Variants in PRKN observed in about 807,000 individuals in gnomAD.
PRKN encodes parkin RBR E3 ubiquitin protein ligase.
Under a neutral mutation model 59.5 loss-of-function variants are expected in PRKN, and 56 were observed. The observed-to-expected ratio is 0.94, with a 90% CI of 0.76 to 1.18. PRKN has a LOEUF of 1.18. Among genes scored for constraint, PRKN ranks in the 50% most tolerant of loss-of-function variants. The pLI is 0.00. For synonymous variants in PRKN, 250 were observed against 222.1 expected, an observed-to-expected ratio of 1.13 and a Z score of -1.12; for missense variants, 657 against 596.4, an observed-to-expected ratio of 1.10 and a Z score of -1.06.
At chr6:161,597,347 A>C (rs959944782) in intron 7 of PRKN, among the ~76,000 whole-genome samples, 2 of 152,130 alleles carry the variant, frequency 1.3e-5, no homozygotes, top group African/African-American at 4.8e-5. Context: ...CTCCATGAAT[A>C]TTTTCATATT....
intron 3 of PRKN, among the ~76,000 whole-genome samples, chr6:162,253,989 T>C (rs1779542449): frequency 6.6e-6 from 1 of 152,188 alleles, no homozygotes; most frequent in Non-Finnish European, 1.5e-5. Context: ...CAAATCATAC[T>C]TTCCTAAGCT....
At chr6:161,829,254 A>G (rs1792376405) in intron 6 of PRKN, among the ~76,000 whole-genome samples, 1 of 152,290 alleles carries the variant, frequency 6.6e-6, no homozygotes, top group African/African-American at 2.4e-5. Flanking sequence ...ACAAAAACAA[A>G]AAAAACAATA....
At chr6:162,489,569 G>T (rs1156442755) in intron 1 of PRKN, among the ~76,000 whole-genome samples, 1 of 152,094 alleles carries the variant, frequency 6.6e-6, no homozygotes, top group Non-Finnish European at 1.5e-5. Flanking sequence ...ACGCAAAACC[G>T]CACTTTGCCC....
intron 3 of PRKN, among the ~76,000 whole-genome samples, chr6:162,233,739 G>T (rs985840551): frequency 6.6e-6 from 1 of 152,148 alleles, no homozygotes; most frequent in Non-Finnish European, 1.5e-5. Context: ...TTTTAAGTGG[G>T]GCATTTGGGA....
Position 161,593,561 on chromosome 6 carries a change from T to G in PRKN, c.872-24145A>C, listed in dbSNP as rs1583271594. On this transcript the variant is annotated intron_variant, in intron 7 of 11. Coordinates refer to ENST00000366898, the MANE Select transcript of PRKN (RefSeq NM_004562.3). This position sits in a 1 kb window ranked among gnomAD's most constrained non-coding sequence, Gnocchi z 4.8. Reference sequence around the variant, plus strand: ...GTGATGGCACCTGGGGGCTGGAAGGTGAGGCCAGCAGGTCTTGCTGGTGGG... The same window carrying G: ...GTGATGGCACCTGGGGGCTGGAAGGGGAGGCCAGCAGGTCTTGCTGGTGGG... 6.6e-6 allele frequency among the ~76,000 whole-genome samples: 1 copy of G among 151,828 alleles called. No homozygotes were observed. The highest frequency in any genetic ancestry group is 2.1e-4 in the South Asian group (1 of 4,796).
At chr6:162,261,202 G>A (rs1779873188) in intron 3 of PRKN, among the ~76,000 whole-genome samples, 1 of 152,156 alleles carries the variant, frequency 6.6e-6, no homozygotes, top group Admixed American at 6.5e-5. Context: ...CTAGTAAGGA[G>A]AGGGAGACAC....
chr6:162,148,563 A>G (rs535737959), intron 4 of PRKN, among the ~76,000 whole-genome samples: 1 of 151,294 alleles, frequency 6.6e-6, no homozygotes, highest in South Asian at 2.1e-4. Context: ...ACAAAAAAAT[A>G]GTAAAGTCCA....
chr6:162,119,753 G>A (rs914945312), intron 4 of PRKN, among the ~76,000 whole-genome samples: 3 of 152,130 alleles, frequency 2.0e-5, no homozygotes, highest in Non-Finnish European at 2.9e-5. Context: ...GCTTTCTCTG[G>A]GAGGGGAGAA....
intron 1 of PRKN, among the ~76,000 whole-genome samples, chr6:162,658,981 C>A (rs976339289): frequency 3.9e-5 from 6 of 152,198 alleles, no homozygotes; most frequent in Non-Finnish European, 5.9e-5. Context: ...TCAATATATA[C>A]CTTTGGAAAG....
intron 9 of PRKN, among the ~76,000 whole-genome samples, chr6:161,472,657 A>T (rs1790853303): frequency 6.6e-6 from 1 of 152,186 alleles, no homozygotes. Context: ...ACTGGACTAC[A>T]CCAAACTAAA....
chr6:162,230,329 G>A (rs1041577943), intron 3 of PRKN, among the ~76,000 whole-genome samples: 1 of 152,222 alleles, frequency 6.6e-6, no homozygotes, highest in Non-Finnish European at 1.5e-5. Context: ...GATGTAGCTG[G>A]CTGCATTTGC....
intron 2 of PRKN, among the ~76,000 whole-genome samples, chr6:162,321,881 A>C (rs186408838): frequency 1.2e-3 from 178 of 152,128 alleles, no homozygotes; most frequent in African/African-American, 4.2e-3. Flanking sequence ...ATCTATGAAA[A>C]TCTACAGTTA....
intron 6 of PRKN, 54 bp downstream of exon 6, chr6:161,973,248 T>C: frequency 5.2e-6 from 6 of 1,164,226 alleles, no homozygotes; most frequent in Non-Finnish European, 7.8e-6. Context: ...ATGCTATTTT[T>C]AGATCCTTAC....
At chr6:161,701,914 C>T (rs183732071) in intron 7 of PRKN, among the ~76,000 whole-genome samples, 26 of 152,226 alleles carry the variant, frequency 1.7e-4, no homozygotes, top group Admixed American at 1.3e-3. Context: ...TTCATGTGGT[C>T]GCCAGTGGGA....
chr6:162,261,066 G>C (rs1006526107), intron 3 of PRKN, among the ~76,000 whole-genome samples: 1 of 152,084 alleles, frequency 6.6e-6, no homozygotes, highest in South Asian at 2.1e-4. Flanking sequence ...ATTCAGGCTT[G>C]AATACCATCT....
intron 6 of PRKN, among the ~76,000 whole-genome samples, chr6:161,867,929 T>C (rs2128226040): frequency 6.6e-6 from 1 of 151,710 alleles, no homozygotes; most frequent in South Asian, 2.1e-4. Flanking sequence ...CCTGGCTAAT[T>C]TTTGTATTTT....
chr6:161,573,091 T>C (rs765023733), intron 7 of PRKN, among the ~76,000 whole-genome samples: 4 of 152,064 alleles, frequency 2.6e-5, no homozygotes, highest in African/African-American at 4.8e-5. Context: ...TGACGTCCCA[T>C]GGTCTGGGGC....
chr6:161,680,445 C>G (rs1447882586), intron 7 of PRKN, among the ~76,000 whole-genome samples: 3 of 152,114 alleles, frequency 2.0e-5, no homozygotes, highest in South Asian at 4.2e-4. Flanking sequence ...AGGCCGTCCT[C>G]GAGCGTCCAT....
intron 1 of PRKN, among the ~76,000 whole-genome samples, chr6:162,534,250 C>A (rs1778629137): frequency 6.6e-6 from 1 of 152,140 alleles, no homozygotes; most frequent in Non-Finnish European, 1.5e-5. Context: ...TCCAGTTGAA[C>A]CGGGGTAGGC....
Sources: gnomAD v4.1 joint callset for allele counts (sites outside exome capture counted in the v4.1 genomes callset) on GRCh38, gnomAD v4.1.1 for gene constraint, Gnocchi (gnomAD v3.1) non-coding constraint, MANE v1.5 for transcripts, NCBI Gene and HGNC (gene_info 2026-07-23, HGNC 2026-07-21) for gene names.